The following WDFY4 variants were observed in gnomAD, a reference collection of about 807,000 sequenced individuals.
WDFY4 encodes the protein WD repeat- and FYVE domain-containing protein 4.
Under a neutral mutation model 351.9 loss-of-function variants are expected in WDFY4, and 169 were observed. That is an observed-to-expected ratio of 0.48 (90% CI 0.42 to 0.55). WDFY4 has a LOEUF of 0.55. WDFY4 is among the 20% of genes least tolerant of loss of function. WDFY4 has a pLI of 0.00. For missense variants in WDFY4, 3,803 were observed against 3,935.6 expected, an observed-to-expected ratio of 0.97 and a Z score of 0.90; for synonymous variants, 1,622 against 1,574.6, an observed-to-expected ratio of 1.03 and a Z score of -0.71.
At chr10:48,846,274 C>T (rs999993072) in intron 39 of WDFY4, among the ~76,000 whole-genome samples, 2 of 152,202 alleles carry the variant, frequency 1.3e-5, no homozygotes, top group African/African-American at 2.4e-5. Context: ...GCTATTTTCT[C>T]CCGTCTCTAC....
intron 1 of WDFY4, among the ~76,000 whole-genome samples, chr10:48,687,174 C>T (rs192218107): frequency 1.3e-5 from 2 of 152,164 alleles, no homozygotes; most frequent in Non-Finnish European, 1.5e-5. Flanking sequence ...TTCCTGTTCA[C>T]ATTTTTTGGC....
chr10:48,785,163 A>C (rs1264337661), intron 19 of WDFY4, among the ~76,000 whole-genome samples: 1 of 152,050 alleles, frequency 6.6e-6, no homozygotes, highest in East Asian at 1.9e-4. Context: ...CCTGGCCTTA[A>C]ACTGTTGAGT....
At chr10:48,773,356 A>G (rs2065928310) in intron 13 of WDFY4, among the ~76,000 whole-genome samples, 1 of 152,198 alleles carries the variant, frequency 6.6e-6, no homozygotes, top group Non-Finnish European at 1.5e-5. Flanking sequence ...TATCCCTCTC[A>G]CTTGATACGA....
At chr10:48,705,596 G>C (rs1324155234) in intron 1 of WDFY4, among the ~76,000 whole-genome samples, 3 of 152,190 alleles carry the variant, frequency 2.0e-5, no homozygotes, top group Admixed American at 6.5e-5. Context: ...ACGATCAGCA[G>C]ATGAGCAGGA....
intron 13 of WDFY4, among the ~76,000 whole-genome samples, chr10:48,766,593 C>CA (rs1283458677): frequency 2.0e-5 from 3 of 151,356 alleles, no homozygotes; most frequent in African/African-American, 4.8e-5. Flanking sequence ...GACCTTGTCT[C>CA]AAAAAAAACC....
At chr10:48,982,125 G>T (rs1234725087) in intron 61 of WDFY4, among the ~76,000 whole-genome samples, 1 of 152,186 alleles carries the variant, frequency 6.6e-6, no homozygotes, top group East Asian at 1.9e-4. Flanking sequence ...AGTGGAGTGG[G>T]GTGGGCATGA....
chr10:48,916,312 C>T lies in WDFY4; in HGVS notation c.7586+14449C>T, dbSNP rs563453091. Among the ~76,000 whole-genome samples the T allele has an allele frequency of 2.0e-5, 3 of 152,302 alleles. No homozygotes were observed. The East Asian group carries it at 5.8e-4, about 29-fold the overall frequency. On this transcript the variant is annotated intron_variant, in intron 47 of 61. Transcript: ENST00000325239. ...GAGCCTCTCTTTCTGGTCCAAGGAA[C>T]AGGAAATGGATTTTTAAGGGTCAGA...
chr10:48,822,735 C>T (rs934886347), intron 35 of WDFY4, among the ~76,000 whole-genome samples, 198 bp downstream of exon 35: 1 of 152,214 alleles, frequency 6.6e-6, no homozygotes, highest in African/African-American at 2.4e-5. Flanking sequence ...CCTCAGGCCC[C>T]CTGAGCCCAG....
intron 39 of WDFY4, among the ~76,000 whole-genome samples, chr10:48,847,138 T>C (rs1213444945): frequency 1.3e-5 from 2 of 152,144 alleles, no homozygotes; most frequent in African/African-American, 2.4e-5. Context: ...AAGAAAGTGA[T>C]GGAGGGGCTG....
chr10:48,955,116 T>C (rs1245463886), intron 51 of WDFY4, among the ~76,000 whole-genome samples: 1 of 152,250 alleles, frequency 6.6e-6, no homozygotes, highest in African/African-American at 2.4e-5. Context: ...AGGCTTGGGC[T>C]GCAGATTAAA....
chr10:48,931,136 C>A (rs1006936412), intron 47 of WDFY4, among the ~76,000 whole-genome samples: 1 of 151,634 alleles, frequency 6.6e-6, no homozygotes, highest in Admixed American at 6.6e-5. Context: ...CACACGATTC[C>A]GCTTCTTTTC....
At chr10:48,733,779 A>G (rs2064550926) in intron 9 of WDFY4, among the ~76,000 whole-genome samples, 152 bp from the exon 10 acceptor site, 1 of 152,270 alleles carries the variant, frequency 6.6e-6, no homozygotes, top group Admixed American at 6.5e-5. Flanking sequence ...TAGGGGTAAC[A>G]GCCTTCTATC....
intron 20 of WDFY4, among the ~76,000 whole-genome samples, chr10:48,787,335 CTA>C (rs1420359482): frequency 6.6e-6 from 1 of 152,218 alleles, no homozygotes; most frequent in Non-Finnish European, 1.5e-5. Flanking sequence ...ATAAATGAAT[CTA>C]TGTCAGCAGC....
intron 39 of WDFY4, among the ~76,000 whole-genome samples, chr10:48,859,516 T>C (rs1328227052): frequency 3.9e-5 from 6 of 152,228 alleles, no homozygotes; most frequent in African/African-American, 2.4e-5. Context: ...GTGAGTTAGA[T>C]TGATTGATTA....
intron 23 of WDFY4, among the ~76,000 whole-genome samples, chr10:48,794,178 C>T (rs936303281): frequency 2.0e-5 from 3 of 152,086 alleles, no homozygotes; most frequent in Non-Finnish European, 4.4e-5. Context: ...GACAGGGAAA[C>T]GGACTGACAG....
rs371989121 is a variant in WDFY4 at position 48,916,518 on chromosome 10, G to T, written c.7586+14655G>T. ...AAACTGTGGTCCTCAGAGCTGGGGG[G>T]TTGCTTTGTTTTCTCTACCCTACTG... On this transcript the variant is annotated intron_variant, in intron 47 of 61. Coordinates refer to ENST00000325239, the MANE Select transcript of WDFY4 (RefSeq NM_001394531.1). Among the ~76,000 whole-genome samples the T allele has an allele frequency of 1.9e-4, 29 of 152,266 alleles. No homozygotes were observed. In the East Asian group the frequency reaches 5.4e-3, roughly 28 times the overall value.
Position 48,765,047 on chromosome 10 carries a change from A to G in WDFY4, c.2553+4607A>G, listed in dbSNP as rs578212226. Among the ~76,000 whole-genome samples the G allele has an allele frequency of 1.4e-4, 21 of 152,372 alleles. No homozygotes were observed. The South Asian group carries it at 4.3e-3, about 32-fold the overall frequency. ...AAAGATGCCTATTTGGGGACTCTGAATAGTTAAGCTGGGCTAGAATAGAAC... is the reference window on the plus strand; with the variant it reads ...AAAGATGCCTATTTGGGGACTCTGAGTAGTTAAGCTGGGCTAGAATAGAAC... On this transcript the variant is annotated intron_variant, in intron 13 of 61. Transcript: ENST00000325239.
chr10:48,717,488 GCT>G (rs1171176130), intron 2 of WDFY4, among the ~76,000 whole-genome samples: 2 of 152,116 alleles, frequency 1.3e-5, no homozygotes, highest in Non-Finnish European at 2.9e-5. Context: ...GGTAAACCAA[GCT>G]CCCTGTGTAC....
chr10:48,804,779 G>GGA, intron 25 of WDFY4: 1 of 983,910 alleles, frequency 1.0e-6, no homozygotes, highest in South Asian at 4.7e-5. Flanking sequence ...CTGAGGGAGG[G>GGA]GGTATGGATA....
Sources: allele counts gnomAD v4.1 joint callset (sites outside exome capture counted in the v4.1 genomes callset), GRCh38; gene constraint gnomAD v4.1.1; transcripts MANE v1.5; gene names NCBI Gene and HGNC (gene_info 2026-07-23, HGNC 2026-07-21).